Variants in SLC38A2 observed in about 807,000 individuals in gnomAD.
The protein encoded by SLC38A2 is sodium-coupled neutral amino acid symporter 2.
Under a neutral mutation model 61.5 loss-of-function variants are expected in SLC38A2, and 11 were observed. The observed-to-expected ratio is 0.18, with a 90% CI of 0.11 to 0.30. SLC38A2 has a LOEUF of 0.30. Among genes scored for constraint, SLC38A2 ranks in the 10% least tolerant of loss-of-function variants. The pLI is 1.00. For missense variants in SLC38A2, 522 were observed against 600.4 expected, an observed-to-expected ratio of 0.87 and a Z score of 1.36; for synonymous variants, 217 against 212.5, an observed-to-expected ratio of 1.02 and a Z score of -0.18.
chr12:46,363,049 G>C lies in SLC38A2; in HGVS notation c.1151C>G (p.Thr384Ser), dbSNP rs377715626. Residue 384 changes from threonine to serine, a missense_variant, in exon 13 of 16, where the codon ACC (threonine) becomes AGC (serine). Thr to Ser is a moderately conservative substitution (Grantham distance 58). This residue lies in a region of SLC38A2 where 309 missense variants were observed against 343.9 expected (regional missense o/e 0.90). Transcript: ENST00000256689. ...GAAAATAACTACTGGTACTGTCAGGGTCACAGCCATTAACACAGCCAGACG... is the reference window on the plus strand; with the variant it reads ...GAAAATAACTACTGGTACTGTCAGGCTCACAGCCATTAACACAGCCAGACG... ...IVRLAVLMAVTLTVPVVIFPI... is the reference protein window; with the variant it reads ...IVRLAVLMAVSLTVPVVIFPI... The C allele has an allele frequency of 6.2e-7, 1 of 1,612,908 alleles. No homozygotes were observed. The highest frequency in any genetic ancestry group is 1.3e-5 in the African/African-American group (1 of 74,850).
chr12:46,372,712 T>C lies in SLC38A2; in HGVS notation c.-290A>G. Reference sequence around the variant, plus strand: ...AAAGGCGCGAGCGTGCGGTAACGCGTGGTCGGGCTGCTGCTAGCAGTACTG... The same window carrying C: ...AAAGGCGCGAGCGTGCGGTAACGCGCGGTCGGGCTGCTGCTAGCAGTACTG... On this transcript the variant is annotated 5_prime_UTR_variant, in exon 1 of 16. Coordinates refer to ENST00000256689, the MANE Select transcript of SLC38A2 (RefSeq NM_018976.5). 5.0e-6 allele frequency: 2 copies of C among 398,432 alleles called. No homozygotes were observed. Among genetic ancestry groups the C allele is most frequent in the Non-Finnish European group, 8.9e-6 (2 of 225,936 alleles). The allele number at this position is 398,432 out of a possible 1,614,324, so 24.7% of individuals were successfully genotyped here.
Position 46,371,397 on chromosome 12 carries a change from G to C in SLC38A2, c.-86-18C>G. On this transcript the variant is annotated intron_variant, in intron 1 of 15. Transcript: ENST00000256689. ...GAGTCGGCCTGCGAAAGTAGAGGCGGCGCGTCAGGACCGCAGCGCCAGCCC... is the reference window on the plus strand; with the variant it reads ...GAGTCGGCCTGCGAAAGTAGAGGCGCCGCGTCAGGACCGCAGCGCCAGCCC... 1 of 907,006 alleles carries C rather than the reference G, an allele frequency of 1.1e-6. No homozygotes were observed. Among genetic ancestry groups the C allele is most frequent in the Non-Finnish European group, 1.8e-6 (1 of 571,298 alleles). 56.2% of individuals were successfully genotyped at this position (907,006 alleles called of 1,614,324 possible).
At chr12:46,369,394 C>CA (rs1296368033) in intron 4 of SLC38A2, among the ~76,000 whole-genome samples, 1 of 152,186 alleles carries the variant, frequency 6.6e-6, no homozygotes, top group Non-Finnish European at 1.5e-5. Flanking sequence ...GGCTTAACCT[C>CA]AGTGTGGAAT....
At chr12:46,369,106 C>T (rs1342737015) in intron 4 of SLC38A2, among the ~76,000 whole-genome samples, 1 of 152,170 alleles carries the variant, frequency 6.6e-6, no homozygotes, top group Non-Finnish European at 1.5e-5. Context: ...AGAATTTGAC[C>T]TTCACTTATG....
Position 46,363,823 on chromosome 12 carries a change from G to A in SLC38A2, c.957C>T (p.Arg319=). Residue 319 remains arginine, a synonymous_variant, in exon 12 of 16, where the codon CGC becomes CGT. Coordinates refer to ENST00000256689, the MANE Select transcript of SLC38A2 (RefSeq NM_018976.5). ...VLPIYEELKD[R]SRRRMMNVSK... ...ACACATTCATCATTCTTCTACGGCT[G>A]CGGCTATGTAATTCAAGAGAAAATT... The A allele has an allele frequency of 6.3e-7, 1 of 1,591,382 alleles. No homozygotes were observed. The highest frequency in any genetic ancestry group is 8.5e-7 in the Non-Finnish European group (1 of 1,172,228).
chr12:46,361,058 G>T lies in SLC38A2; in HGVS notation c.*53C>A. ...TTAGGTGAAATTTCATAGTAGTTGAGTTTACTCAACACTGGCATCAGATGG... is the reference window on the plus strand; with the variant it reads ...TTAGGTGAAATTTCATAGTAGTTGATTTTACTCAACACTGGCATCAGATGG... On this transcript the variant is annotated 3_prime_UTR_variant, in exon 16 of 16. Transcript: ENST00000256689. 1 of 1,392,214 alleles carries T rather than the reference G, an allele frequency of 7.2e-7. No individual in the cohort carries two copies. The highest frequency in any genetic ancestry group is 1.0e-6 in the Non-Finnish European group (1 of 989,152). 86.2% of individuals were successfully genotyped at this position (1,392,214 alleles called of 1,614,324 possible).
chr12:46,367,436 C>T, intron 4 of SLC38A2, 96 bp from the exon 5 acceptor site: 1 of 751,196 alleles, frequency 1.3e-6, no homozygotes, highest in Non-Finnish European at 2.3e-6. Flanking sequence ...ATGTGTGCAA[C>T]TTGTCCTATT....
intron 4 of SLC38A2, among the ~76,000 whole-genome samples, chr12:46,367,777 G>A (rs1943154153): frequency 6.6e-6 from 1 of 152,124 alleles, no homozygotes; most frequent in South Asian, 2.1e-4. Context: ...AAGGTTCTTG[G>A]GAAATTCAAC....
rs558331348 is a variant in SLC38A2, at chr12:46,359,614, T to A, written c.*1497A>T. ...TATGTATATTAGATTTTAGACATTA[T>A]GCCTGATGAGCGAAGTACCACATTA... On this transcript the variant is annotated 3_prime_UTR_variant, in exon 16 of 16. Coordinates refer to ENST00000256689, the MANE Select transcript of SLC38A2 (RefSeq NM_018976.5). 6.6e-6 allele frequency: 1 copy of A among 152,600 alleles called. No homozygotes were observed. The highest frequency in any genetic ancestry group is 1.5e-5 in the Non-Finnish European group (1 of 68,030). 9.5% of individuals were successfully genotyped at this position (152,600 alleles called of 1,614,324 possible).
At chr12:46,364,310 C>T in intron 10 of SLC38A2, 79 bp downstream of exon 10, 8 of 1,379,786 alleles carry the variant, frequency 5.8e-6, no homozygotes, top group Non-Finnish European at 7.8e-6. Flanking sequence ...TTATCCTCCT[C>T]CCTTTACCCT....
chr12:46,361,107 C>T lies in SLC38A2; in HGVS notation c.*4G>A. Reference sequence around the variant, plus strand: ...GGACTGAGTTTGAGTTTGAGTGGTGCCAATTAATGGCCACCTCCAGGTGCA... The same window carrying T: ...GGACTGAGTTTGAGTTTGAGTGGTGTCAATTAATGGCCACCTCCAGGTGCA... On this transcript the variant is annotated 3_prime_UTR_variant, in exon 16 of 16. Transcript: ENST00000256689. The T allele has an allele frequency of 6.2e-7, 1 of 1,611,578 alleles. No homozygotes were observed. The highest frequency in any genetic ancestry group is 2.2e-5 in the East Asian group (1 of 44,832).
At chr12:46,370,338 A>C (rs1222186154) in intron 4 of SLC38A2, among the ~76,000 whole-genome samples, 174 bp downstream of exon 4, 1 of 152,154 alleles carries the variant, frequency 6.6e-6, no homozygotes, top group African/African-American at 2.4e-5. Flanking sequence ...CTTTCTTGAT[A>C]TTGTGCAGTA....
rs558025809 is a variant in SLC38A2 at position 46,360,876 on chromosome 12, C to G, written c.*235G>C. 5.3e-3 allele frequency: 2,482 copies of G among 464,654 alleles called. 10 individuals are homozygous for G. Among genetic ancestry groups the G allele is most frequent in the Non-Finnish European group, 8.0e-3 (2,108 of 263,340 alleles). 28.8% of individuals were successfully genotyped at this position (464,654 alleles called of 1,614,324 possible). On this transcript the variant is annotated 3_prime_UTR_variant, in exon 16 of 16. Coordinates refer to ENST00000256689, the MANE Select transcript of SLC38A2 (RefSeq NM_018976.5). Reference sequence around the variant, plus strand: ...TGGAATGGAATAAAATTGTCACTTCCCTTAACCCGAGACTCGTGGTTTTGT... The same window carrying G: ...TGGAATGGAATAAAATTGTCACTTCGCTTAACCCGAGACTCGTGGTTTTGT...
intron 1 of SLC38A2, among the ~76,000 whole-genome samples, chr12:46,371,954 T>A (rs1434198630): frequency 1.3e-5 from 2 of 151,834 alleles, no homozygotes; most frequent in East Asian, 3.9e-4. Context: ...GGGGGTTTGT[T>A]TACACACGCG....
In SLC38A2 at chr12:46,360,779, T is replaced by C; in HGVS notation, c.*332A>G. 1 of 240,908 alleles carries C rather than the reference T, an allele frequency of 4.2e-6. No homozygotes were observed. Among genetic ancestry groups the C allele is most frequent in the Non-Finnish European group, 7.9e-6 (1 of 126,062 alleles). 14.9% of individuals were successfully genotyped at this position (240,908 alleles called of 1,614,324 possible). The stretch of plus-strand genomic sequence containing the variant: ...CATTAGGCACATTCAAGTAAAATCA[T>C]AAAATATCCAAGTTAAACAATGACA... On this transcript the variant is annotated 3_prime_UTR_variant, in exon 16 of 16. Coordinates refer to ENST00000256689, the MANE Select transcript of SLC38A2 (RefSeq NM_018976.5).
At chr12:46,371,492 G>A in intron 1 of SLC38A2, 113 bp from the exon 2 acceptor site, 1 of 541,076 alleles carries the variant, frequency 1.8e-6, no homozygotes, top group Non-Finnish European at 3.2e-6. Flanking sequence ...GAGTGGAAAA[G>A]TACCAGCCGC....
rs1327161122 is a variant in SLC38A2 at position 46,360,924 on chromosome 12, ACAGAT to A, written c.*182_*186del. ...TGTTGTTCATATCCATTTCTAACATACAGATAAGTTTCTTAAAAAAACAAAACAAA... is the reference window on the plus strand; with the variant it reads ...TGTTGTTCATATCCATTTCTAACATAAAGTTTCTTAAAAAAACAAAACAAA... On this transcript the variant is annotated 3_prime_UTR_variant, in exon 16 of 16. Transcript: ENST00000256689. 1.1e-5 allele frequency: 6 copies of A among 552,292 alleles called. No homozygotes were observed. In the African/African-American group the frequency reaches 1.1e-4, roughly 11 times the overall value. 34.2% of individuals were successfully genotyped at this position (552,292 alleles called of 1,614,324 possible).
chr12:46,363,247 A>C, intron 12 of SLC38A2, 102 bp from the exon 13 acceptor site: 6 of 1,239,592 alleles, frequency 4.8e-6, no homozygotes, highest in Non-Finnish European at 6.8e-6. Context: ...CTACTCACAA[A>C]ACGACTATAA....
chr12:46,363,675 A>T, intron 12 of SLC38A2, 51 bp downstream of exon 12: 1 of 1,201,058 alleles, frequency 8.3e-7, no homozygotes. Flanking sequence ...CATTTCAATA[A>T]GCGTTTTTTT....
Sources: gnomAD v4.1 joint callset for allele counts (sites outside exome capture counted in the v4.1 genomes callset) on GRCh38, gnomAD v4.1.1 for gene constraint, gnomAD v4.1.1 regional missense constraint, MANE v1.5 for transcripts, NCBI Gene and HGNC (gene_info 2026-07-23, HGNC 2026-07-21) for gene names.